EHBP1: variants seen among roughly 807,000 people sequenced by gnomAD.
The protein encoded by EHBP1 is EH domain-binding protein 1.
EHBP1 carries 55 observed loss-of-function variants against 144.0 expected under a neutral mutation model. That is an observed-to-expected ratio of 0.38 (90% CI 0.31 to 0.48). EHBP1 has a LOEUF of 0.48. Ranked by LOEUF, EHBP1 falls within the 20% of genes least tolerant of loss-of-function variation. EHBP1 has a pLI of 0.98. For synonymous variants in EHBP1, 469 were observed against 472.7 expected, an observed-to-expected ratio of 0.99 and a Z score of 0.10; for missense variants, 1,200 against 1,364.2, an observed-to-expected ratio of 0.88 and a Z score of 1.90.
intron 3 of EHBP1, among the ~76,000 whole-genome samples, chr2:62,751,312 C>G (rs1310720221): frequency 6.6e-6 from 1 of 152,178 alleles, no homozygotes; most frequent in Admixed American, 6.5e-5. Flanking sequence ...GTTGAAACAG[C>G]CTTGCATTCC....
At chr2:62,759,319 C>T (rs1200830661) in intron 3 of EHBP1, among the ~76,000 whole-genome samples, 7 of 151,486 alleles carry the variant, frequency 4.6e-5, no homozygotes, top group African/African-American at 1.4e-4. Flanking sequence ...CCTGTGCCTA[C>T]TTATTTTATA....
intron 3 of EHBP1, among the ~76,000 whole-genome samples, chr2:62,761,761 A>G (rs539674366): frequency 6.6e-6 from 1 of 152,260 alleles, no homozygotes; most frequent in East Asian, 1.9e-4. Flanking sequence ...CTTCTGCATC[A>G]TTAGATTTTC....
intron 5 of EHBP1, among the ~76,000 whole-genome samples, chr2:62,787,390 C>T (rs1453262449): frequency 5.7e-5 from 6 of 105,272 alleles, no homozygotes; most frequent in African/African-American, 1.7e-4. Flanking sequence ...CACACTGCAC[C>T]GCTGCCCCCC....
chr2:62,758,645 G>A (rs2040505635), intron 3 of EHBP1, among the ~76,000 whole-genome samples: 1 of 152,158 alleles, frequency 6.6e-6, no homozygotes, highest in Non-Finnish European at 1.5e-5. Flanking sequence ...CCTAAATCCT[G>A]TTATCTTATT....
chr2:62,946,341 A>T (rs1274747889), intron 12 of EHBP1, among the ~76,000 whole-genome samples: 1 of 152,162 alleles, frequency 6.6e-6, no homozygotes, highest in African/African-American at 2.4e-5. Flanking sequence ...TTTTCAATTA[A>T]ATCTTCCAGT....
At position 62,719,917 on chromosome 2, in the gene EHBP1, A is replaced by G. The variant is rs182891950; in HGVS notation, c.104+12622A>G. Among the ~76,000 whole-genome samples the G allele has an allele frequency of 4.4e-4, 67 of 152,336 alleles. 1 individual carries two copies. The highest frequency in any genetic ancestry group is 3.4e-3 in the Middle Eastern group (1 of 294). On this transcript the variant is annotated intron_variant, in intron 2 of 22. Coordinates refer to ENST00000431489, the MANE Select transcript of EHBP1 (RefSeq NM_001142616.3). ...ATGGAAGACTGTACTAGCTTGAGGT[A>G]GTTCAGTTTCAAAATTAGATTGCTA... is the stretch of plus-strand genomic sequence containing the variant.
chr2:62,939,815 A>G (rs2056629857), intron 10 of EHBP1: 1 of 168,104 alleles, frequency 5.9e-6, no homozygotes, highest in South Asian at 1.5e-4. Flanking sequence ...AAAGAGATTA[A>G]TATGATGCCA....
At position 62,932,102 on chromosome 2, in the gene EHBP1, G is replaced by A. The variant is rs548612036; in HGVS notation, c.1186-10616G>A. On this transcript the variant is annotated intron_variant, in intron 10 of 22. Coordinates refer to ENST00000431489, the MANE Select transcript of EHBP1 (RefSeq NM_001142616.3). ...TAAGGAAGGAGAGTCACTTGAGCCC[G>A]GGAGGTGGAGGTTGCAGTGGGCCAA... Among the ~76,000 whole-genome samples the A allele has an allele frequency of 1.1e-3, 172 of 151,876 alleles. 2 individuals carry two copies. Among genetic ancestry groups the A allele is most frequent in the African/African-American group, 3.6e-3 (151 of 41,412 alleles).
intron 5 of EHBP1, among the ~76,000 whole-genome samples, chr2:62,791,560 G>A (rs2043170469): frequency 6.6e-6 from 1 of 151,814 alleles, no homozygotes; most frequent in Admixed American, 6.6e-5. Context: ...TTAAAAGATG[G>A]TTATTATAAA....
chr2:63,036,983 A>C lies in EHBP1; in HGVS notation c.3104-552A>C, dbSNP rs114426345. Among the ~76,000 whole-genome samples the C allele has an allele frequency of 3.8e-3, 575 of 151,822 alleles. 8 individuals carry two copies. The highest frequency in any genetic ancestry group is 0.013 in the African/African-American group (537 of 41,448). ...TGTGGGTATTTTTTTGTAGCCTGGT[A>C]ATTTACAGTGTATTTAGTAATTTAT... is the stretch of plus-strand genomic sequence containing the variant. On this transcript the variant is annotated intron_variant, in intron 19 of 22. Transcript: ENST00000431489.
At chr2:62,819,770 A>AT (rs2045752410) in intron 5 of EHBP1, among the ~76,000 whole-genome samples, 1 of 148,454 alleles carries the variant, frequency 6.7e-6, no homozygotes, top group Non-Finnish European at 1.5e-5. Context: ...GCTCAAAAAA[A>AT]CAAAAAAAAA....
chr2:62,717,635 G>T (rs542485473), intron 2 of EHBP1, among the ~76,000 whole-genome samples: 10 of 151,994 alleles, frequency 6.6e-5, no homozygotes, highest in African/African-American at 2.4e-4. Flanking sequence ...TCTTTAGTAA[G>T]TTTGGTTTAT....
At chr2:63,037,408 A>ATAAGC in intron 19 of EHBP1, 127 bp from the exon 20 acceptor site, 2 of 600,544 alleles carry the variant, frequency 3.3e-6, no homozygotes, top group Non-Finnish European at 5.7e-6. Context: ...TAACCTTCTT[A>ATAAGC]TAAGCAGTTT....
chr2:62,843,484 G>T lies in EHBP1; in HGVS notation c.634+12326G>T, dbSNP rs543533554. Among the ~76,000 whole-genome samples the T allele has an allele frequency of 7.2e-5, 11 of 152,254 alleles. No individual in the cohort carries two copies. In the South Asian group the frequency reaches 2.3e-3, roughly 32 times the overall value. On this transcript the variant is annotated intron_variant, in intron 7 of 22. Coordinates refer to ENST00000431489, the MANE Select transcript of EHBP1 (RefSeq NM_001142616.3). ...TGGGTGGGGCAGTGGGTGTCTAGATGTATGTTCTAAGTCCTAATAAATTCA... is the reference window on the plus strand; with the variant it reads ...TGGGTGGGGCAGTGGGTGTCTAGATTTATGTTCTAAGTCCTAATAAATTCA...
At chr2:62,733,744 G>T (rs1049223935) in intron 2 of EHBP1, among the ~76,000 whole-genome samples, 1 of 152,208 alleles carries the variant, frequency 6.6e-6, no homozygotes, top group African/African-American at 2.4e-5. Context: ...GAGAGAACCT[G>T]GTAGGGCTCC....
intron 2 of EHBP1, among the ~76,000 whole-genome samples, chr2:62,729,514 A>AATAT (rs70962791): frequency 4.4e-5 from 5 of 113,824 alleles, no homozygotes; most frequent in African/African-American, 7.1e-5. Context: ...AAATATAATA[A>AATAT]AATAAATAAA....
chr2:62,988,175 C>A, intron 15 of EHBP1: 2 of 561,540 alleles, frequency 3.6e-6, no homozygotes, highest in South Asian at 2.4e-5. Flanking sequence ...TTAGCTTAGT[C>A]CACCTTCCAT....
Position 63,045,248 on chromosome 2 carries a change from T to C in EHBP1, c.3392+68T>C. The C allele has an allele frequency of 6.7e-7, 1 of 1,483,778 alleles. No homozygotes were observed. The highest frequency in any genetic ancestry group is 9.2e-7 in the Non-Finnish European group (1 of 1,085,872). 91.9% of individuals were successfully genotyped at this position (1,483,778 alleles called of 1,614,324 possible). The stretch of plus-strand genomic sequence containing the variant: ...GAGGGGCCGAGAAGTGTGCGGAAAG[T>C]TCAATCCAGAGGTCGCGGGAGGGCC... On this transcript the variant is annotated intron_variant, in intron 22 of 22. Coordinates refer to ENST00000431489, the MANE Select transcript of EHBP1 (RefSeq NM_001142616.3). This position sits in a 1 kb window ranked among gnomAD's most constrained non-coding sequence, Gnocchi z 5.7.
chr2:62,835,205 A>T (rs2047118584), intron 7 of EHBP1, among the ~76,000 whole-genome samples: 1 of 151,966 alleles, frequency 6.6e-6, no homozygotes, highest in Admixed American at 6.5e-5. Flanking sequence ...CATTTGGTTG[A>T]TTTAACTTTA....
Sources: allele counts gnomAD v4.1 joint callset (sites outside exome capture counted in the v4.1 genomes callset), GRCh38; gene constraint gnomAD v4.1.1; non-coding constraint Gnocchi (gnomAD v3.1); transcripts MANE v1.5; gene names NCBI Gene and HGNC (gene_info 2026-07-23, HGNC 2026-07-21).